CREB3L2: variants seen among roughly 807,000 people sequenced by gnomAD.
CREB3L2 encodes cAMP responsive element binding protein 3 like 2.
Under a neutral mutation model 57.2 loss-of-function variants are expected in CREB3L2, and 23 were observed. The observed-to-expected ratio is 0.40, with a 90% confidence interval of 0.29 to 0.57. The LOEUF (loss-of-function observed/expected upper bound fraction) is 0.57, where lower values mean the gene tolerates loss of function less well. Among genes scored for constraint, CREB3L2 ranks in the 20% least tolerant of loss-of-function variants. The pLI is 0.42. For missense variants in CREB3L2, 628 were observed against 634.7 expected, an observed-to-expected ratio of 0.99 and a Z score of 0.11; for synonymous variants, 268 against 265.1, an observed-to-expected ratio of 1.01 and a Z score of -0.11.
chr7:137,970,816 A>C (rs1195962400), intron 1 of CREB3L2, among the ~76,000 whole-genome samples: 1 of 152,136 alleles, frequency 6.6e-6, no homozygotes, highest in Non-Finnish European at 1.5e-5. Context: ...TGTATCCTCC[A>C]CTAAAAAGAA....
intron 1 of CREB3L2, among the ~76,000 whole-genome samples, chr7:137,974,831 C>T (rs1312709270): frequency 6.6e-6 from 1 of 152,116 alleles, no homozygotes; most frequent in Non-Finnish European, 1.5e-5. Flanking sequence ...AGATAGGGAA[C>T]AGGTTTGGGG....
intron 1 of CREB3L2, among the ~76,000 whole-genome samples, chr7:137,943,283 C>A (rs926594292): frequency 6.6e-6 from 1 of 152,128 alleles, no homozygotes; most frequent in African/African-American, 2.4e-5. Flanking sequence ...AAATCTTAAG[C>A]CTGAGTCAAT....
At chr7:137,962,258 T>C (rs1801335797) in intron 1 of CREB3L2, among the ~76,000 whole-genome samples, 1 of 152,102 alleles carries the variant, frequency 6.6e-6, no homozygotes, top group Non-Finnish European at 1.5e-5. Flanking sequence ...CTTGGTACCT[T>C]TCACTAGATG....
At position 137,913,067 on chromosome 7, in the gene CREB3L2, C is replaced by T. The variant is rs370226323; in HGVS notation, c.507G>A (p.Ser169=). ...TAATTTTAGGAATAATGGTCTGGCA[C>T]GAGGAATCAACCTGGAGGAAGAATT... ...PLEMNTGVDS[S]CQTIIPKIKL... Residue 169 remains serine, a synonymous_variant, in exon 4 of 12, where the codon TCG becomes TCA. Transcript: ENST00000330387. 19 of 1,612,768 alleles carry T rather than the reference C, an allele frequency of 1.2e-5. No homozygotes were observed. The highest frequency in any genetic ancestry group is 4.5e-5 in the East Asian group (2 of 44,876).
In CREB3L2 at chr7:137,882,567, C is replaced by T. The variant is rs145559600; in HGVS notation, c.1332G>A (p.Pro444=). The T allele has an allele frequency of 1.6e-4, 257 of 1,613,518 alleles. No homozygotes were observed. Among genetic ancestry groups the T allele is most frequent in the East Asian group, 8.5e-4 (38 of 44,868 alleles). Residue 444 remains proline, a synonymous_variant, in exon 11 of 12, where the codon CCG becomes CCA. Transcript: ENST00000330387. ...AGCCCCCCAGCTCCCCAGCCGAGCC[C>T]GGGCTGGATGACTCCTCTGGGGGAG... is the stretch of plus-strand genomic sequence containing the variant. ...EHSPPEESSS[P]GSAGELGGWD... is the part of the protein sequence containing the mutation.
At chr7:137,953,298 C>G (rs575444143) in intron 1 of CREB3L2, 6 of 375,382 alleles carry the variant, frequency 1.6e-5, no homozygotes, top group South Asian at 6.1e-5. Flanking sequence ...TCACTGAAAA[C>G]CTGCTTACCG....
At chr7:137,884,592 T>C (rs1001568541) in intron 10 of CREB3L2, 1 of 441,442 alleles carries the variant, frequency 2.3e-6, no homozygotes, top group South Asian at 2.8e-5. Context: ...GCCCTTACTA[T>C]ATACATTGCA....
chr7:137,894,406 C>G (rs1360416903), intron 8 of CREB3L2, among the ~76,000 whole-genome samples: 1 of 152,156 alleles, frequency 6.6e-6, no homozygotes, highest in Non-Finnish European at 1.5e-5. Context: ...ATAAATAAGG[C>G]TAAATTGAAT....
chr7:137,915,926 G>T lies in CREB3L2; in HGVS notation c.406C>A (p.Pro136Thr). The change falls in exon 3 of 12, where the codon CCA becomes ACA. Residue 136 changes from proline (P) to threonine (T), a missense_variant. By Grantham distance (38) the Pro-to-Thr change is conservative. Transcript: ENST00000330387. ...AGAGTGACAGACGGAACGAGTCCTG[G>T]GGGTGGTTCGTCTGTAACTGGCTCT... ...KTEPVTDEPPPGLVPSVTLTI... is the reference protein window; with the variant it reads ...KTEPVTDEPPTGLVPSVTLTI... 2 of 1,614,136 alleles carry T rather than the reference G, an allele frequency of 1.2e-6. No homozygotes were observed. Among genetic ancestry groups the T allele is most frequent in the African/African-American group, 1.3e-5 (1 of 75,060 alleles).
Position 137,875,157 on chromosome 7 carries a change from A to G in CREB3L2, c.*5319T>C, listed in dbSNP as rs574997726. 16 of 207,086 alleles carry G rather than the reference A, an allele frequency of 7.7e-5. No individual in the cohort carries two copies. The highest frequency in any genetic ancestry group is 3.6e-4 in the African/African-American group (16 of 43,856). 12.8% of individuals were successfully genotyped at this position (207,086 alleles called of 1,614,324 possible). A position where few individuals can be genotyped will look rare whatever the true frequency, so the allele number is the denominator to read the frequency against. ...TCATTTAAAAAACGCGATAGGACAG[A>G]TAACAGACTCACAACGTATTTAGAT... On this transcript the variant is annotated 3_prime_UTR_variant, in exon 12 of 12. Transcript: ENST00000330387.
At chr7:137,904,140 T>G in intron 6 of CREB3L2, 123 bp from the exon 7 acceptor site, 1 of 799,854 alleles carries the variant, frequency 1.3e-6, no homozygotes, top group East Asian at 2.5e-5. Context: ...CTGCTTGCCA[T>G]TTGTTTAAGC....
At chr7:137,975,017 G>A (rs1407489567) in intron 1 of CREB3L2, among the ~76,000 whole-genome samples, 1 of 152,106 alleles carries the variant, frequency 6.6e-6, no homozygotes, top group African/African-American at 2.4e-5. Flanking sequence ...GAGAAGAAAT[G>A]ACATTTCAGC....
intron 1 of CREB3L2, among the ~76,000 whole-genome samples, chr7:137,955,903 AC>A (rs1801200516): frequency 6.6e-6 from 1 of 152,172 alleles, no homozygotes; most frequent in Non-Finnish European, 1.5e-5. Flanking sequence ...TAAATAACTT[AC>A]CCCAGGATGT....
intron 1 of CREB3L2, among the ~76,000 whole-genome samples, chr7:137,933,409 C>T (rs1015034279): frequency 2.0e-5 from 3 of 152,300 alleles, no homozygotes; most frequent in Admixed American, 2.0e-4. Flanking sequence ...TTGGCGCACT[C>T]TGCTGACACT....
chr7:137,904,028 G>A lies in CREB3L2; in HGVS notation c.916-11C>T, dbSNP rs753017702. On this transcript the variant is annotated splice_polypyrimidine_tract_variant and intron_variant, in intron 6 of 11. Coordinates refer to ENST00000330387, the MANE Select transcript of CREB3L2 (RefSeq NM_194071.4). ...TTCCTGAGCAGAAATCTGAGAGAGAGGAGTGGGAGGAGAATGATTAATTTC... is the reference window on the plus strand; with the variant it reads ...TTCCTGAGCAGAAATCTGAGAGAGAAGAGTGGGAGGAGAATGATTAATTTC... 9 of 1,604,120 alleles carry A rather than the reference G, an allele frequency of 5.6e-6. No homozygotes were observed. Among genetic ancestry groups the A allele is most frequent in the Non-Finnish European group, 7.7e-6 (9 of 1,170,850 alleles).
chr7:137,900,026 C>G (rs528902514), intron 8 of CREB3L2, among the ~76,000 whole-genome samples: 8 of 152,258 alleles, frequency 5.3e-5, no homozygotes, highest in African/African-American at 1.7e-4. Flanking sequence ...TGTTGGATCT[C>G]TAACACTCAG....
At position 137,904,747 on chromosome 7, in the gene CREB3L2, G is replaced by A. The variant is rs1585610084; in HGVS notation, c.916-730C>T. On this transcript the variant is annotated intron_variant, in intron 6 of 11. Transcript: ENST00000330387. ...CCAGATGCTTGGGAGGCTGAGGTAGGAGAATCACTTGAACCTGGGAGGCAG... is the reference window on the plus strand; with the variant it reads ...CCAGATGCTTGGGAGGCTGAGGTAGAAGAATCACTTGAACCTGGGAGGCAG... Among the ~76,000 whole-genome samples, 3 of 151,542 alleles carry A rather than the reference G, an allele frequency of 2.0e-5. No individual in the cohort carries two copies. The East Asian group carries it at 5.9e-4, about 30-fold the overall frequency.
chr7:137,895,944 A>G (rs1799620419), intron 8 of CREB3L2, among the ~76,000 whole-genome samples: 1 of 152,192 alleles, frequency 6.6e-6, no homozygotes, highest in South Asian at 2.1e-4. Flanking sequence ...TGATAATATG[A>G]GAAGCATCAA....
chr7:137,924,842 C>CTCTA (rs1800417616), intron 2 of CREB3L2, among the ~76,000 whole-genome samples: 2 of 152,156 alleles, frequency 1.3e-5, no homozygotes, highest in Admixed American at 6.5e-5. Context: ...AGTTCCTTAG[C>CTCTA]TCTAGTGTTT....
Sources: gnomAD v4.1 joint callset for allele counts (sites outside exome capture counted in the v4.1 genomes callset) on GRCh38, gnomAD v4.1.1 for gene constraint, MANE v1.5 for transcripts, NCBI Gene and HGNC (gene_info 2026-07-23, HGNC 2026-07-21) for gene names.